The following CROCC variants were observed in gnomAD, a reference collection of about 807,000 sequenced individuals.
CROCC encodes the protein rootletin.
Under a neutral mutation model 245.2 loss-of-function variants are expected in CROCC, and 180 were observed. That is an observed-to-expected ratio of 0.73 (90% confidence interval 0.65 to 0.83). The LOEUF (loss-of-function observed/expected upper bound fraction) is 0.83. Ranked by LOEUF, CROCC falls within the 40% of genes least tolerant of loss-of-function variation. The probability of loss-of-function intolerance (pLI) is 0.00; values close to 1 mark genes in which losing one functional copy is unlikely to be tolerated. For missense variants in CROCC, 2,688 were observed against 2,779.4 expected (o/e 0.97, Z 0.74); for synonymous variants, 1,205 against 1,241.6 (o/e 0.97, Z 0.62).
chr1:16,939,203 T>A, intron 12 of CROCC, 61 bp downstream of exon 12: 27 of 678,306 alleles, frequency 4.0e-5, no homozygotes, highest in Non-Finnish European at 5.1e-5. Flanking sequence ...GCTCGCGCCC[T>A]CCGGGTGGGG....
intron 20 of CROCC, chr1:16,951,882 C>CTTTTTTT (rs35956886): frequency 6.4e-6 from 1 of 156,412 alleles, no homozygotes; most frequent in Admixed American, 6.4e-5. Context: ...CGGTAAAGCT[C>CTTTTTTT]TTTTTTTTTT....
intron 8 of CROCC, among the ~76,000 whole-genome samples, chr1:16,933,895 T>C (rs1323156858): frequency 6.6e-6 from 1 of 152,302 alleles, no homozygotes; most frequent in Non-Finnish European, 1.5e-5. Context: ...AACTTATTTG[T>C]TCAGGAAACT....
intron 1 of CROCC, among the ~76,000 whole-genome samples, chr1:16,914,220 T>C (rs950628364): frequency 6.6e-6 from 1 of 151,984 alleles, no homozygotes; most frequent in Non-Finnish European, 1.5e-5. Flanking sequence ...GGGGGCGGGC[T>C]GGAGCCACGT....
intron 20 of CROCC, chr1:16,953,056 T>C: frequency 3.9e-6 from 2 of 509,710 alleles, no homozygotes; most frequent in Non-Finnish European, 7.1e-6. Context: ...CTTACCTGGC[T>C]GACAGTTACT....
In CROCC at chr1:16,961,101, G is replaced by T; in HGVS notation, c.4376G>T (p.Gly1459Val). 7.3e-7 allele frequency: 1 copy of T among 1,364,278 alleles called. No individual in the cohort carries two copies. Among genetic ancestry groups the T allele is most frequent in the Non-Finnish European group, 9.4e-7 (1 of 1,062,194 alleles). 84.5% of individuals were successfully genotyped at this position (1,364,278 alleles called of 1,614,324 possible). A position where few individuals can be genotyped will look rare whatever the true frequency, so the allele number is the denominator to read the frequency against. Residue 1459 changes from glycine (G) to valine (V), a missense_variant, in exon 27 of 37, where the codon GGT (glycine) becomes GTT (valine). Gly to Val is a moderately radical substitution (Grantham distance 109). Transcript: ENST00000375541. ...APSPAPRPVP[G>V]SPARDAPAEG... ...AGCCCAGCCCCGCGGCCAGTGCCCG[G>T]TTCCCCTGCCCGGGACGCACCCGCA...
chr1:16,956,728 TAAA>T (rs201462104), intron 25 of CROCC, among the ~76,000 whole-genome samples: 1 of 140,944 alleles, frequency 7.1e-6, no homozygotes, highest in African/African-American at 2.6e-5. Flanking sequence ...TTTAAAAATG[TAAA>T]AAAAAAAAAA....
rs2076094868 is a variant in CROCC, at chr1:16,948,353, G to GGGAGCAGGAGCT, written c.2546_2557dup (p.Glu849_Gln852dup). On this transcript the variant is annotated inframe_insertion, in exon 18 of 37. Transcript: ENST00000375541. ...CAGCTCTCCCGGCAGCTGAGCGGGCGGGAGCAGGAGCTGGAGCAGGCCCGG... is the reference window on the plus strand; with the variant it reads ...CAGCTCTCCCGGCAGCTGAGCGGGCGGGAGCAGGAGCTGGAGCAGGAGCTGGAGCAGGCCCGG... 1.3e-6 allele frequency: 2 copies of GGGAGCAGGAGCT among 1,577,960 alleles called. No individual in the cohort carries two copies. The highest frequency in any genetic ancestry group is 1.8e-5 in the Admixed American group (1 of 55,754).
At chr1:16,952,582 G>A (rs2076180707) in intron 20 of CROCC, among the ~76,000 whole-genome samples, 1 of 152,126 alleles carries the variant, frequency 6.6e-6, no homozygotes, top group Admixed American at 6.5e-5. Flanking sequence ...CCCCAGGTGG[G>A]CTGCTATTTG....
intron 33 of CROCC, 63 bp from the exon 34 acceptor site, chr1:16,970,190 C>A: frequency 6.9e-7 from 1 of 1,447,760 alleles, no homozygotes; most frequent in Non-Finnish European, 9.2e-7. Context: ...TCATTGTCCC[C>A]AAGCTTCAGA....
intron 1 of CROCC, 103 bp from the exon 2 acceptor site, chr1:16,922,560 C>T: frequency 6.8e-7 from 1 of 1,463,266 alleles, no homozygotes; most frequent in Admixed American, 2.4e-5. Flanking sequence ...GAGGGGGCTC[C>T]TGGGGACCTG....
chr1:16,958,667 GAGA>G lies in CROCC; in HGVS notation c.3952_3954del (p.Lys1318del). 1.3e-6 allele frequency: 2 copies of G among 1,556,638 alleles called. No individual in the cohort carries two copies. Among genetic ancestry groups the G allele is most frequent in the Non-Finnish European group, 1.7e-6 (2 of 1,150,746 alleles). The stretch of plus-strand genomic sequence containing the variant: ...CCGCCTGGCGCTGGGCGAGCGGGCA[GAGA>G]AGGAGAGCAGGCGGGAGACCCTGGG... On this transcript the variant is annotated inframe_deletion, in exon 26 of 37. Transcript: ENST00000375541.
chr1:16,972,032 C>A (rs2076530031), intron 36 of CROCC, among the ~76,000 whole-genome samples: 1 of 152,236 alleles, frequency 6.6e-6, no homozygotes, highest in South Asian at 2.1e-4. Flanking sequence ...ATGCCTGAGC[C>A]AGCCTTGTCG....
chr1:16,926,518 C>A (rs556778603), intron 3 of CROCC, among the ~76,000 whole-genome samples: 1 of 152,264 alleles, frequency 6.6e-6, no homozygotes, highest in African/African-American at 2.4e-5. Flanking sequence ...TTGTTCTGAT[C>A]TTTCCAACCC....
intron 24 of CROCC, 61 bp downstream of exon 24, chr1:16,955,611 C>T (rs1035436435): frequency 1.5e-6 from 2 of 1,350,528 alleles, no homozygotes; most frequent in Non-Finnish European, 2.0e-6. Flanking sequence ...TGAAACCTAA[C>T]TTCACCCCCA....
intron 24 of CROCC, 95 bp downstream of exon 24, chr1:16,955,645 T>C: frequency 8.9e-7 from 1 of 1,123,732 alleles, no homozygotes; most frequent in Non-Finnish European, 1.2e-6. Context: ...ATTGCCCAGA[T>C]ACGGATCCTC....
In CROCC at chr1:16,972,645, G is replaced by GC. The variant is rs968329153; in HGVS notation, c.*205dup. 25 of 512,162 alleles carry GC rather than the reference G, an allele frequency of 4.9e-5. No homozygotes were observed. Among genetic ancestry groups the GC allele is most frequent in the Non-Finnish European group, 7.9e-5 (23 of 289,972 alleles). 31.7% of individuals were successfully genotyped at this position (512,162 alleles called of 1,614,324 possible). ...GCTTCCCAGCAACACCTGCAGTCCA[G>GC]CCCCCCTCTTCTAGGATGAGCCACT... On this transcript the variant is annotated 3_prime_UTR_variant, in exon 37 of 37. Coordinates refer to ENST00000375541, the MANE Select transcript of CROCC (RefSeq NM_014675.5).
At chr1:16,924,250 TC>T in intron 2 of CROCC, 74 bp from the exon 3 acceptor site, 1 of 1,562,016 alleles carries the variant, frequency 6.4e-7, no homozygotes, top group Non-Finnish European at 8.7e-7. Flanking sequence ...TGGATGGTTT[TC>T]TTGCCCTCCC....
Position 16,930,324 on chromosome 1 carries a change from C to T in CROCC, c.660C>T (p.Ile220=). Residue 220 remains isoleucine, a synonymous_variant, in exon 6 of 37, where the codon ATC becomes ATT. Coordinates refer to ENST00000375541, the MANE Select transcript of CROCC (RefSeq NM_014675.5). ...GCCAAGACCTGGAAAGCGCCCTCAT[C>T]CGGCTGGAGGAGGAGCAGCAGAGGT... ...EHSQDLESAL[I]RLEEEQQRSA... 1 of 1,609,584 alleles carries T rather than the reference C, an allele frequency of 6.2e-7. No individual in the cohort carries two copies. The highest frequency in any genetic ancestry group is 8.5e-7 in the Non-Finnish European group (1 of 1,178,732).
intron 15 of CROCC, 43 bp from the exon 16 acceptor site, chr1:16,946,216 G>T (rs763896112): frequency 1.9e-6 from 3 of 1,596,448 alleles, no homozygotes; most frequent in Admixed American, 3.5e-5. Flanking sequence ...ACCTCCTCCC[G>T]ACCTTTCTGC....
Sources: allele counts gnomAD v4.1 joint callset (sites outside exome capture counted in the v4.1 genomes callset), GRCh38; gene constraint gnomAD v4.1.1; transcripts MANE v1.5; gene names NCBI Gene and HGNC (gene_info 2026-07-23, HGNC 2026-07-21).